Variants in ATP4A observed in about 807,000 individuals in gnomAD.
ATP4A encodes potassium-transporting ATPase alpha chain 1.
ATP4A carries 73 observed loss-of-function variants against 112.1 expected under a neutral mutation model. That is an observed-to-expected ratio of 0.65 (90% CI 0.54 to 0.79). The LOEUF (loss-of-function observed/expected upper bound fraction) is 0.79, where lower values mean the gene tolerates loss of function less well. Ranked by LOEUF, ATP4A falls within the 30% of genes least tolerant of loss-of-function variation. ATP4A has a pLI of 0.00. For missense variants in ATP4A, 1,081 were observed against 1,425.9 expected (o/e 0.76, Z 3.90); for synonymous variants, 588 against 588.9 (o/e 1.00, Z 0.02).
rs1267456619 is a variant in ATP4A at position 35,558,511 on chromosome 19, C to T, written c.1366-15G>A. The T allele has an allele frequency of 1.3e-6, 2 of 1,591,446 alleles. No homozygotes were observed. Among genetic ancestry groups the T allele is most frequent in the Non-Finnish European group, 1.7e-6 (2 of 1,169,946 alleles). ...ATCACGATGCGCTGGGAGCGGGGAC[C>T]GGTGTCAGGGGCGAAGCCGGCTACA... On this transcript the variant is annotated splice_polypyrimidine_tract_variant and intron_variant, in intron 9 of 21. Transcript: ENST00000262623. This position sits in a 1 kb window ranked among gnomAD's most constrained non-coding sequence, Gnocchi z 5.1.
Position 35,557,598 on chromosome 19 carries a change from G to T in ATP4A, c.1693+57C>A. 1 of 1,522,888 alleles carries T rather than the reference G, an allele frequency of 6.6e-7. No individual in the cohort carries two copies. The highest frequency in any genetic ancestry group is 2.0e-5 in the Admixed American group (1 of 49,970). The allele number at this position is 1,522,888 out of a possible 1,614,324, so 94.3% of individuals were successfully genotyped here. ...GGGCTGGGCCGGGAGTGGTGGGCAG[G>T]GTCTGTGCTAGCTCCTCCTCGCACC... On this transcript the variant is annotated intron_variant, in intron 11 of 21. Transcript: ENST00000262623. The surrounding 1 kb of genome is among the most constrained non-coding windows in gnomAD (Gnocchi z 4.4).
chr19:35,560,763 A>G lies in ATP4A; in HGVS notation c.534+56T>C, dbSNP rs949662672. 24 of 1,592,486 alleles carry G rather than the reference A, an allele frequency of 1.5e-5. No individual in the cohort carries two copies. The African/African-American group carries it at 3.0e-4, about 20-fold the overall frequency. On this transcript the variant is annotated intron_variant, in intron 5 of 21. Coordinates refer to ENST00000262623, the MANE Select transcript of ATP4A (RefSeq NM_000704.3). This position sits in a 1 kb window ranked among gnomAD's most constrained non-coding sequence, Gnocchi z 5.1. ...GACAGGGGCCTGATGGAAGGAGGCT[A>G]CAGGAGCAGTTTGGAGTCTCTGGGA...
chr19:35,562,302 C>G, intron 4 of ATP4A, 133 bp downstream of exon 4: 1 of 1,088,270 alleles, frequency 9.2e-7, no homozygotes, highest in Non-Finnish European at 1.3e-6. Flanking sequence ...CCCTCCATGA[C>G]CCCTGTCTTG....
chr19:35,553,157 G>A lies in ATP4A; in HGVS notation c.2631C>T (p.Phe877=). 2 of 1,603,738 alleles carry A rather than the reference G, an allele frequency of 1.2e-6. No individual in the cohort carries two copies. Among genetic ancestry groups the A allele is most frequent in the Non-Finnish European group, 1.7e-6 (2 of 1,171,460 alleles). Residue 877 remains phenylalanine, a synonymous_variant, in exon 18 of 22, where the codon TTC becomes TTT. Coordinates refer to ENST00000262623, the MANE Select transcript of ATP4A (RefSeq NM_000704.3). The part of the protein sequence containing the change: ...QIGAIQSFAG[F]TDYFTAMAQE... ...GGGCCATTGCCGTGAAGTAGTCAGT[G>A]AAGCCAGCAAAGGACTGAATGGCAC...
chr19:35,553,058 C>T lies in ATP4A; in HGVS notation c.2730G>A (p.Gln910=). 6.2e-7 allele frequency: 1 copy of T among 1,608,348 alleles called. No homozygotes were observed. The highest frequency in any genetic ancestry group is 8.5e-7 in the Non-Finnish European group (1 of 1,175,406). The change falls in exon 18 of 22, where the codon CAG becomes CAA. Residue 910 remains glutamine (Q), a synonymous_variant. Transcript: ENST00000262623. ...TCACCCACTCCTGGCCGTAGCTGTC[C>T]TGCAGATCTTGTAGGTGGTGGTCCT... is the stretch of plus-strand genomic sequence containing the variant. ...QWEDHHLQDL[Q]DSYGQEWTFG...
In ATP4A at chr19:35,561,008, G is replaced by A. The variant is rs1409798453; in HGVS notation, c.421-76C>T. ...CCTGAGGCCACCGACCTGCTCCCTG[G>A]TGCCCTGGTTTTCTTGGTTTTCCCC... On this transcript the variant is annotated intron_variant, in intron 4 of 21. Transcript: ENST00000262623. The A allele has an allele frequency of 3.2e-6, 4 of 1,269,266 alleles. No homozygotes were observed. The African/African-American group carries it at 4.5e-5, about 14-fold the overall frequency. The allele number at this position is 1,269,266 out of a possible 1,614,324, so 78.6% of individuals were successfully genotyped here.
In ATP4A at chr19:35,555,909, T is replaced by A; in HGVS notation, c.1870-97A>T. Reference sequence around the variant, plus strand: ...CTGCTGATACACGTGTTCATTTACTTGACCAAGCGTGACCACCTCCTACGT... The same window carrying A: ...CTGCTGATACACGTGTTCATTTACTAGACCAAGCGTGACCACCTCCTACGT... On this transcript the variant is annotated intron_variant, in intron 12 of 21. Transcript: ENST00000262623. The surrounding 1 kb of genome is among the most constrained non-coding windows in gnomAD (Gnocchi z 6.6). 1 of 1,470,626 alleles carries A rather than the reference T, an allele frequency of 6.8e-7. No individual in the cohort carries two copies. Among genetic ancestry groups the A allele is most frequent in the South Asian group, 1.4e-5 (1 of 73,298 alleles). 91.1% of individuals were successfully genotyped at this position (1,470,626 alleles called of 1,614,324 possible). A position where few individuals can be genotyped will look rare whatever the true frequency, so the allele number is the denominator to read the frequency against.
Position 35,551,673 on chromosome 19 carries a change from G to T in ATP4A, c.2752-93C>A. 1 of 1,487,428 alleles carries T rather than the reference G, an allele frequency of 6.7e-7. No individual in the cohort carries two copies. The highest frequency in any genetic ancestry group is 9.1e-7 in the Non-Finnish European group (1 of 1,094,762). 92.1% of individuals were successfully genotyped at this position (1,487,428 alleles called of 1,614,324 possible). ...CCACCGGGCATAGGGTCCCAGGGCC[G>T]TGAACCCCTAAATGCTCTCTCTGCC... On this transcript the variant is annotated intron_variant, in intron 18 of 21. Coordinates refer to ENST00000262623, the MANE Select transcript of ATP4A (RefSeq NM_000704.3). This position sits in a 1 kb window ranked among gnomAD's most constrained non-coding sequence, Gnocchi z 5.2.
In ATP4A at chr19:35,555,641, T is replaced by C; in HGVS notation, c.2006+35A>G. On this transcript the variant is annotated intron_variant, in intron 13 of 21. Coordinates refer to ENST00000262623, the MANE Select transcript of ATP4A (RefSeq NM_000704.3). This position sits in a 1 kb window ranked among gnomAD's most constrained non-coding sequence, Gnocchi z 6.6. ...CTGGGACCTCGGTCTGTGCCAGATGTGGGGAGAACCCCGGGGAGGTCTGGG... is the reference window on the plus strand; with the variant it reads ...CTGGGACCTCGGTCTGTGCCAGATGCGGGGAGAACCCCGGGGAGGTCTGGG... 6.3e-7 allele frequency: 1 copy of C among 1,586,560 alleles called. No individual in the cohort carries two copies. Among genetic ancestry groups the C allele is most frequent in the East Asian group, 2.3e-5 (1 of 44,260 alleles).
rs371177557 is a variant in ATP4A, at chr19:35,560,687, A to T, written c.535-72T>A. 4.4e-6 allele frequency: 7 copies of T among 1,589,594 alleles called. No individual in the cohort carries two copies. The African/African-American group carries it at 9.4e-5, about 21-fold the overall frequency. ...GGAGCTGCTGCATGTGGGGAGGTAA[A>T]GGATGAGGAGAGCTGGGACCCATGG... On this transcript the variant is annotated intron_variant, in intron 5 of 21. Coordinates refer to ENST00000262623, the MANE Select transcript of ATP4A (RefSeq NM_000704.3). The surrounding 1 kb of genome is among the most constrained non-coding windows in gnomAD (Gnocchi z 5.1).
In ATP4A at chr19:35,558,612, A is replaced by G. The variant is rs1209021800; in HGVS notation, c.1330T>C (p.Phe444Leu). Residue 444 changes from phenylalanine (F) to leucine (L), a missense_variant, in exon 9 of 22, where the codon TTC (phenylalanine) becomes CTC (leucine). This residue lies in a region of ATP4A where 850 missense variants were observed against 1,068.2 expected (regional missense o/e 0.80). Coordinates refer to ENST00000262623, the MANE Select transcript of ATP4A (RefSeq NM_000704.3). This position sits in a 1 kb window ranked among gnomAD's most constrained non-coding sequence, Gnocchi z 5.1. Reference sequence around the variant, plus strand: ...GGCACTGCATCCTGGCCGGACTTGAAGGCGGCGCGGTTGCACAGGGTGAGC... The same window carrying G: ...GGCACTGCATCCTGGCCGGACTTGAGGGCGGCGCGGTTGCACAGGGTGAGC... ...RVLTLCNRAAFKSGQDAVPVP... is the reference protein window; with the variant it reads ...RVLTLCNRAALKSGQDAVPVP... 23 of 1,603,068 alleles carry G rather than the reference A, an allele frequency of 1.4e-5. No homozygotes were observed. Among genetic ancestry groups the G allele is most frequent in the Admixed American group, 3.4e-5 (2 of 57,978 alleles).
Position 35,557,942 on chromosome 19 carries a change from C to CGAGAGCTCGGTGCGGGCTCT in ATP4A, c.1501-115_1501-96dup, listed in dbSNP as rs1430556985. Reference sequence around the variant, plus strand: ...GCGGGGCTGAGGAGAGGGGCGGGGCCGAGAGCTCGGTGCGGGCTCTGAGAG... The same window carrying CGAGAGCTCGGTGCGGGCTCT: ...GCGGGGCTGAGGAGAGGGGCGGGGCCGAGAGCTCGGTGCGGGCTCTGAGAGCTCGGTGCGGGCTCTGAGAG... On this transcript the variant is annotated intron_variant, in intron 10 of 21. Transcript: ENST00000262623. The surrounding 1 kb of genome is among the most constrained non-coding windows in gnomAD (Gnocchi z 4.4). The CGAGAGCTCGGTGCGGGCTCT allele has an allele frequency of 1.0e-6, 1 of 964,248 alleles. No homozygotes were observed. The highest frequency in any genetic ancestry group is 1.7e-5 in the African/African-American group (1 of 58,976). 59.7% of individuals were successfully genotyped at this position (964,248 alleles called of 1,614,324 possible). A position where few individuals can be genotyped will look rare whatever the true frequency, so the allele number is the denominator to read the frequency against.
In ATP4A at chr19:35,555,796, C is replaced by T; in HGVS notation, c.1886G>A (p.Gly629Asp). Residue 629 changes from glycine to aspartate, a missense_variant, in exon 13 of 22, where the codon GGT (glycine) becomes GAT (aspartate). Gly to Asp is a moderately conservative substitution (Grantham distance 94). Coordinates refer to ENST00000262623, the MANE Select transcript of ATP4A (RefSeq NM_000704.3). This position sits in a 1 kb window ranked among gnomAD's most constrained non-coding sequence, Gnocchi z 6.6. ...TAGIRVIMVT[G>D]DHPITAKAIA... The stretch of plus-strand genomic sequence containing the variant: ...GGCCTTGGCGGTGATGGGGTGGTCA[C>T]CCGTTACCATGATCACCTGTAGGGG... The T allele has an allele frequency of 1.1e-5, 17 of 1,612,474 alleles. No homozygotes were observed. The highest frequency in any genetic ancestry group is 1.4e-5 in the Non-Finnish European group (17 of 1,178,812).
chr19:35,563,490 C>T lies in ATP4A; in HGVS notation c.50G>A (p.Gly17Asp). The T allele has an allele frequency of 6.2e-7, 1 of 1,614,058 alleles. No individual in the cohort carries two copies. Among genetic ancestry groups the T allele is most frequent in the Non-Finnish European group, 8.5e-7 (1 of 1,180,022 alleles). ...CTTGGCAGCCATGTCCCCGCCAGGG[C>T]CAGGACCCAGCTCCACCGAGTAGAG... ...YELYSVELGP[G>D]PGGDMAAKMS... Residue 17 changes from glycine (G) to aspartate (D), a missense_variant, in exon 2 of 22, where the codon GGC becomes GAC. Around this residue, in one of 3 missense-constraint regions of ATP4A, gnomAD observed 850 missense variants for 1,068.2 expected, o/e 0.80. Transcript: ENST00000262623.
At position 35,559,007 on chromosome 19, in the gene ATP4A, G is replaced by T; in HGVS notation, c.1241C>A (p.Thr414Lys). The T allele has an allele frequency of 6.2e-7, 1 of 1,614,166 alleles. No individual in the cohort carries two copies. ...CTCCCCCACACCTGACTGGTCTTCC[G>T]TGGTGTCAGCTGTGTGGATGTGGTT... ...FDNHIHTADT[T>K]EDQSGQTFDQ... The change falls in exon 8 of 22, where the codon ACG becomes AAG. Residue 414 changes from threonine (T) to lysine (K), a missense_variant. Thr to Lys is a moderately conservative substitution (Grantham distance 78). Transcript: ENST00000262623. This position sits in a 1 kb window ranked among gnomAD's most constrained non-coding sequence, Gnocchi z 4.1.
chr19:35,560,663 G>GGGGGGGGGGGGGGGC lies in ATP4A; in HGVS notation c.535-49_535-48insGCCCCCCCCCCCCCC. 1.1e-5 allele frequency: 10 copies of GGGGGGGGGGGGGGGC among 883,902 alleles called. No individual in the cohort carries two copies. Among genetic ancestry groups the GGGGGGGGGGGGGGGC allele is most frequent in the African/African-American group, 1.7e-5 (1 of 59,452 alleles). 54.8% of individuals were successfully genotyped at this position (883,902 alleles called of 1,614,324 possible). A position where few individuals can be genotyped will look rare whatever the true frequency, so the allele number is the denominator to read the frequency against. ...TTGAGGTGGACGGGGGTGGGGGTGG[G>GGGGGGGGGGGGGGGC]AGCTGCTGCATGTGGGGAGGTAAAG... On this transcript the variant is annotated intron_variant, in intron 5 of 21. Coordinates refer to ENST00000262623, the MANE Select transcript of ATP4A (RefSeq NM_000704.3). This position sits in a 1 kb window ranked among gnomAD's most constrained non-coding sequence, Gnocchi z 5.1.
Position 35,550,597 on chromosome 19 carries a change from T to C in ATP4A, c.*18A>G. 3 of 1,613,732 alleles carry C rather than the reference T, an allele frequency of 1.9e-6. No individual in the cohort carries two copies. Among genetic ancestry groups the C allele is most frequent in the Non-Finnish European group, 2.5e-6 (3 of 1,179,804 alleles). On this transcript the variant is annotated 3_prime_UTR_variant, in exon 22 of 22. Coordinates refer to ENST00000262623, the MANE Select transcript of ATP4A (RefSeq NM_000704.3). This position sits in a 1 kb window ranked among gnomAD's most constrained non-coding sequence, Gnocchi z 4.1. ...CCTGCTGTGGCAGTTGCAGGGATGC[T>C]TGAAGGCAGTCGTCCCTCTAATAGT...
In ATP4A at chr19:35,550,780, A is replaced by T. The variant is rs2071596800; in HGVS notation, c.3079+54T>A. On this transcript the variant is annotated intron_variant, in intron 21 of 21. Transcript: ENST00000262623. This position sits in a 1 kb window ranked among gnomAD's most constrained non-coding sequence, Gnocchi z 4.1. ...AGTGTTGAGGATCAAAGGTGGGTGCAGCTGCTCAAACGTTTCAGTCCCCTG... is the reference window on the plus strand; with the variant it reads ...AGTGTTGAGGATCAAAGGTGGGTGCTGCTGCTCAAACGTTTCAGTCCCCTG... 2 of 1,611,008 alleles carry T rather than the reference A, an allele frequency of 1.2e-6. No individual in the cohort carries two copies. Among genetic ancestry groups the T allele is most frequent in the Non-Finnish European group, 1.7e-6 (2 of 1,177,254 alleles).
In ATP4A at chr19:35,558,121, G is replaced by T; in HGVS notation, c.1500+241C>A. On this transcript the variant is annotated intron_variant, in intron 10 of 21. Transcript: ENST00000262623. The surrounding 1 kb of genome is among the most constrained non-coding windows in gnomAD (Gnocchi z 5.1). ...GCGGAGTTGGGCTGGGGGCGGATTT[G>T]GAGAGCGAGGTGCTCCCCATGGACA... 1 of 636,090 alleles carries T rather than the reference G, an allele frequency of 1.6e-6. No homozygotes were observed. Among genetic ancestry groups the T allele is most frequent in the Non-Finnish European group, 2.7e-6 (1 of 373,818 alleles). The allele number at this position is 636,090 out of a possible 1,614,324, so 39.4% of individuals were successfully genotyped here.
Sources: gnomAD v4.1 joint callset for allele counts on GRCh38, gnomAD v4.1.1 for gene constraint, gnomAD v4.1.1 regional missense constraint, Gnocchi (gnomAD v3.1) non-coding constraint, MANE v1.5 for transcripts, NCBI Gene and HGNC (gene_info 2026-07-23, HGNC 2026-07-21) for gene names.